WHRN: variants seen among roughly 807,000 people sequenced by gnomAD.
WHRN encodes CASK-interacting protein CIP98.
A neutral mutation model predicts 68.3 loss-of-function variants in WHRN; 41 were observed. The ratio of observed to expected loss-of-function variants is 0.60; its 90% CI spans 0.47 to 0.78. The LOEUF (loss-of-function observed/expected upper bound fraction) is 0.78. Ranked by LOEUF, WHRN falls within the 30% of genes least tolerant of loss-of-function variation. The pLI, the probability that WHRN is intolerant of heterozygous loss-of-function variation, is 0.00. For missense variants in WHRN, 1,243 were observed against 1,244.7 expected, an observed-to-expected ratio of 1.00 and a Z score of 0.02; for synonymous variants, 560 against 561.3, an observed-to-expected ratio of 1.00 and a Z score of 0.03.
chr9:114,436,379 T>G (rs1463933366), intron 3 of WHRN, among the ~76,000 whole-genome samples: 1 of 152,234 alleles, frequency 6.6e-6, no homozygotes, highest in Non-Finnish European at 1.5e-5. Context: ...TATCCATATT[T>G]GCTCATCAAC....
chr9:114,433,465 C>T (rs781080063), intron 3 of WHRN, among the ~76,000 whole-genome samples: 16 of 152,236 alleles, frequency 1.1e-4, no homozygotes, highest in Non-Finnish European at 2.1e-4. Context: ...ATGGATCTTG[C>T]GGCTTCAAGG....
At chr9:114,470,817 G>A (rs1296150932) in intron 2 of WHRN, among the ~76,000 whole-genome samples, 6 of 142,166 alleles carry the variant, frequency 4.2e-5, no homozygotes, top group Admixed American at 2.1e-4. Flanking sequence ...TCAGTCCCCC[G>A]CCCCACCCCA....
At chr9:114,419,752 AC>A (rs1014909197) in intron 7 of WHRN, among the ~76,000 whole-genome samples, 4 of 152,226 alleles carry the variant, frequency 2.6e-5, no homozygotes, top group Non-Finnish European at 4.4e-5. Context: ...GACAGAAATT[AC>A]CATCCTCATT....
At chr9:114,433,735 G>A (rs574452178) in intron 3 of WHRN, among the ~76,000 whole-genome samples, 2 of 152,258 alleles carry the variant, frequency 1.3e-5, no homozygotes, top group African/African-American at 4.8e-5. Context: ...ACAGTTCCTG[G>A]AGCAAGCTCA....
At chr9:114,483,710 G>C (rs1589240261) in intron 1 of WHRN, among the ~76,000 whole-genome samples, 1 of 152,290 alleles carries the variant, frequency 6.6e-6, no homozygotes, top group Non-Finnish European at 1.5e-5. Flanking sequence ...TTAGCTTGGT[G>C]GGTGTCCTAG....
chr9:114,500,933 T>C (rs560736488), intron 1 of WHRN, among the ~76,000 whole-genome samples: 1 of 152,210 alleles, frequency 6.6e-6, no homozygotes. Flanking sequence ...TTAGCCAACT[T>C]TCCTTATTCT....
chr9:114,473,472 T>C (rs959566001), intron 2 of WHRN, among the ~76,000 whole-genome samples: 1 of 152,236 alleles, frequency 6.6e-6, no homozygotes, highest in Non-Finnish European at 1.5e-5. Flanking sequence ...TCTCTAGCTG[T>C]ATGACCTGGG....
intron 3 of WHRN, among the ~76,000 whole-genome samples, chr9:114,449,162 A>G (rs1839093181): frequency 6.6e-6 from 1 of 152,214 alleles, no homozygotes; most frequent in Admixed American, 6.5e-5. Flanking sequence ...TCAGTAAACC[A>G]TATGTACCCA....
At chr9:114,484,280 C>A (rs985536381) in intron 1 of WHRN, among the ~76,000 whole-genome samples, 1 of 152,204 alleles carries the variant, frequency 6.6e-6, no homozygotes, top group South Asian at 2.1e-4. Context: ...TCACATCCAA[C>A]ACATCCATCT....
intron 1 of WHRN, among the ~76,000 whole-genome samples, chr9:114,498,629 G>T (rs1410997649): frequency 1.3e-5 from 2 of 152,156 alleles, no homozygotes; most frequent in African/African-American, 4.8e-5. Flanking sequence ...CCTTAGTAAG[G>T]TGAAGTCTCT....
chr9:114,478,891 C>T, intron 1 of WHRN, 120 bp from the exon 2 acceptor site: 4 of 906,216 alleles, frequency 4.4e-6, no homozygotes, highest in Non-Finnish European at 7.0e-6. Context: ...AGAGGCCAGC[C>T]CTGAAGTCCC....
At chr9:114,444,510 C>A (rs1175004007) in intron 3 of WHRN, among the ~76,000 whole-genome samples, 1 of 151,786 alleles carries the variant, frequency 6.6e-6, no homozygotes, top group African/African-American at 2.4e-5. Flanking sequence ...TACAAATAGT[C>A]AAACAGTAAA....
At chr9:114,421,004 G>C (rs1213484850) in intron 7 of WHRN, among the ~76,000 whole-genome samples, 3 of 152,022 alleles carry the variant, frequency 2.0e-5, no homozygotes, top group Non-Finnish European at 2.9e-5. Flanking sequence ...TGGTCTAGGA[G>C]AGTCCTAATC....
chr9:114,467,956 T>C (rs1396221557), intron 2 of WHRN, among the ~76,000 whole-genome samples: 1 of 152,220 alleles, frequency 6.6e-6, no homozygotes, highest in Non-Finnish European at 1.5e-5. Flanking sequence ...ACCAGATTTC[T>C]ATTTCGGAAG....
At chr9:114,407,423 A>C (rs1835116651) in intron 8 of WHRN, among the ~76,000 whole-genome samples, 1 of 152,098 alleles carries the variant, frequency 6.6e-6, no homozygotes, top group Admixed American at 6.5e-5. Flanking sequence ...TGGTGTGGTG[A>C]TGTCAAAAGC....
At chr9:114,481,922 G>A (rs1016236498) in intron 1 of WHRN, among the ~76,000 whole-genome samples, 5 of 151,964 alleles carry the variant, frequency 3.3e-5, no homozygotes, top group African/African-American at 7.3e-5. Context: ...CTTGAGCCTC[G>A]TGAGAGACAA....
intron 3 of WHRN, among the ~76,000 whole-genome samples, chr9:114,438,184 G>A (rs1474813834): frequency 2.0e-5 from 3 of 152,174 alleles, no homozygotes; most frequent in African/African-American, 2.4e-5. Context: ...GCAGTGAGTC[G>A]AGACTGTGCC....
chr9:114,427,346 TAG>T (rs1765868533), intron 3 of WHRN, among the ~76,000 whole-genome samples: 1 of 151,862 alleles, frequency 6.6e-6, no homozygotes, highest in Admixed American at 6.6e-5. Flanking sequence ...GTGACAGAAA[TAG>T]AAGGGGTTGA....
chr9:114,423,187 A>G lies in WHRN; in HGVS notation c.1626+127T>C, dbSNP rs988373526. The G allele has an allele frequency of 6.0e-6, 6 of 1,004,250 alleles. No homozygotes were observed. The African/African-American group carries it at 7.9e-5, about 13-fold the overall frequency. The allele number at this position is 1,004,250 out of a possible 1,614,324, so 62.2% of individuals were successfully genotyped here. On this transcript the variant is annotated intron_variant, in intron 7 of 11. Transcript: ENST00000362057. ...TTTACAGAGGAAGAAACTGAGGCTC[A>G]GAGAGGCAAGGCACACAGCTGGTAA...
Sources: allele counts gnomAD v4.1 joint callset (sites outside exome capture counted in the v4.1 genomes callset), GRCh38; gene constraint gnomAD v4.1.1; transcripts MANE v1.5; gene names NCBI Gene and HGNC (gene_info 2026-07-23, HGNC 2026-07-21).